Variants in CUBN observed in about 807,000 individuals in gnomAD.
CUBN encodes cubilin.
In CUBN, 282 loss-of-function variants were observed where a neutral mutation model predicts 405.3. The ratio of observed to expected loss-of-function variants is 0.70; its 90% CI spans 0.63 to 0.77. The LOEUF (loss-of-function observed/expected upper bound fraction) is 0.77. Ranked by LOEUF, CUBN falls within the 30% of genes least tolerant of loss-of-function variation. The pLI, the probability that CUBN is intolerant of heterozygous loss-of-function variation, is 0.00. For missense variants in CUBN, 4,514 were observed against 4,475.2 expected, an observed-to-expected ratio of 1.01 and a Z score of -0.25; for synonymous variants, 1,684 against 1,617.0, an observed-to-expected ratio of 1.04 and a Z score of -0.99.
At chr10:17,102,819 T>C (rs559607378) in intron 13 of CUBN, among the ~76,000 whole-genome samples, 14 of 151,966 alleles carry the variant, frequency 9.2e-5, no homozygotes, top group Admixed American at 6.6e-4. Flanking sequence ...GGTTTCGCCA[T>C]ATTGACCAGA....
At chr10:16,970,137 T>C (rs113796595) in intron 31 of CUBN, among the ~76,000 whole-genome samples, 2 of 152,214 alleles carry the variant, frequency 1.3e-5, no homozygotes, top group African/African-American at 4.8e-5. Context: ...TGGTACATAT[T>C]TGGCACCGAA....
chr10:16,930,865 GTTGGCT>G (rs1448741524), intron 40 of CUBN, among the ~76,000 whole-genome samples: 1 of 152,206 alleles, frequency 6.6e-6, no homozygotes, highest in African/African-American at 2.4e-5. Flanking sequence ...TCTGTGGCCA[GTTGGCT>G]TTAGATATTT....
chr10:17,117,500 G>A (rs11254377), intron 6 of CUBN, among the ~76,000 whole-genome samples: 10,866 of 151,970 alleles, frequency 0.072, 889 homozygotes, highest in African/African-American at 0.2. Flanking sequence ...TCAGCCTCCC[G>A]AGTAGCTGGG....
chr10:16,868,206 C>T (rs1034522399), intron 59 of CUBN, among the ~76,000 whole-genome samples: 9 of 152,114 alleles, frequency 5.9e-5, no homozygotes, highest in African/African-American at 1.9e-4. Context: ...GGGGAGGTGG[C>T]AAAGGGATTT....
intron 29 of CUBN, among the ~76,000 whole-genome samples, chr10:16,988,114 A>G (rs140454326): frequency 6.6e-6 from 1 of 152,212 alleles, no homozygotes; most frequent in East Asian, 1.9e-4. Flanking sequence ...CCCTGTCTCT[A>G]CTTTCTCCCG....
At chr10:16,950,463 A>C (rs926783730) in intron 33 of CUBN, among the ~76,000 whole-genome samples, 1 of 152,184 alleles carries the variant, frequency 6.6e-6, no homozygotes, top group African/African-American at 2.4e-5. Flanking sequence ...ATTAACAATA[A>C]AATTTTTTTA....
intron 6 of CUBN, 28 bp from the exon 7 acceptor site, chr10:17,115,625 A>G (rs377168372): frequency 6.2e-6 from 10 of 1,613,854 alleles, no homozygotes; most frequent in African/African-American, 1.3e-5. Flanking sequence ...GCACAATGTC[A>G]GGGCACGCGC....
In CUBN at chr10:16,889,935, C is replaced by CAAAAAAAA. The variant is rs1554788544; in HGVS notation, c.8755+428_8755+435dup. On this transcript the variant is annotated intron_variant, in intron 55 of 66. Transcript: ENST00000377833. ...CTGGCGACAGAGTGAGACGCCGTGT[C>CAAAAAAAA]AAAAAAAAAAAAAAAAAACAGGAAA... Among the ~76,000 whole-genome samples, 23 of 19,906 alleles carry CAAAAAAAA rather than the reference C, an allele frequency of 1.2e-3. 2 individuals are homozygous for CAAAAAAAA. Among genetic ancestry groups the CAAAAAAAA allele is most frequent in the African/African-American group, 4.6e-3 (22 of 4,828 alleles). The allele number at this position is 19,906 out of a possible 152,430, so 13.1% of individuals were successfully genotyped here.
At chr10:17,070,270 G>A (rs1286165975) in intron 19 of CUBN, among the ~76,000 whole-genome samples, 1 of 152,128 alleles carries the variant, frequency 6.6e-6, no homozygotes, top group Non-Finnish European at 1.5e-5. Flanking sequence ...GATTATTGTA[G>A]CTTTGTTCTA....
At chr10:17,068,332 T>A (rs1390050705) in intron 20 of CUBN, 52 bp from the exon 21 acceptor site, 6 of 1,564,778 alleles carry the variant, frequency 3.8e-6, no homozygotes, top group African/African-American at 1.4e-5. Context: ...GCTACCTGGA[T>A]TTCAAATTAA....
Position 17,104,505 on chromosome 10 carries a change from CCATT to C in CUBN, c.1327_1330del (p.Asn443GlufsTer38). On this transcript the variant is annotated frameshift_variant, in exon 12 of 67. Transcript: ENST00000377833. LOFTEE classifies it high-confidence loss of function. Reference sequence around the variant, plus strand: ...ATCAACGCCATCAACACAAGTTCCTCCATTCAAACAGGGGTTGCTCAAACACTCA... The same window carrying C: ...ATCAACGCCATCAACACAAGTTCCTCCAAACAGGGGTTGCTCAAACACTCA... 1 of 1,613,960 alleles carries C rather than the reference CCATT, an allele frequency of 6.2e-7. No individual in the cohort carries two copies. Among genetic ancestry groups the C allele is most frequent in the Non-Finnish European group, 8.5e-7 (1 of 1,179,990 alleles).
chr10:16,839,927 G>A (rs1263049224), intron 62 of CUBN, among the ~76,000 whole-genome samples: 1 of 152,042 alleles, frequency 6.6e-6, no homozygotes, highest in Non-Finnish European at 1.5e-5. Flanking sequence ...GGACATGGAT[G>A]AAGCTAGAAA....
At chr10:16,928,700 T>C (rs1043390153) in intron 40 of CUBN, among the ~76,000 whole-genome samples, 1 of 152,050 alleles carries the variant, frequency 6.6e-6, no homozygotes, top group African/African-American at 2.4e-5. Flanking sequence ...TGACTAATTA[T>C]TGTATTTTTA....
At chr10:16,888,665 T>C (rs1294397817) in intron 55 of CUBN, 99 bp from the exon 56 acceptor site, 14 of 1,012,430 alleles carry the variant, frequency 1.4e-5, no homozygotes, top group Non-Finnish European at 1.9e-5. Flanking sequence ...TCTATAGACA[T>C]AGTTCCCTGA....
chr10:16,922,793 G>A (rs1842073783), intron 43 of CUBN, among the ~76,000 whole-genome samples: 2 of 150,776 alleles, frequency 1.3e-5, no homozygotes, highest in African/African-American at 4.9e-5. Flanking sequence ...TGAAGTAGGT[G>A]TTTCTGTTCT....
chr10:17,079,985 G>A (rs1835933633), intron 17 of CUBN, among the ~76,000 whole-genome samples: 1 of 152,150 alleles, frequency 6.6e-6, no homozygotes, highest in African/African-American at 2.4e-5. Flanking sequence ...GGGGAAGGTG[G>A]TGAAAGAAAA....
In CUBN at chr10:17,033,881, C is replaced by T. The variant is rs1414030909; in HGVS notation, c.4017+7152G>A. ...TCCCATGAGCCCGATGTTTCTCAGT[C>T]GTGGTATATGGAAAATGTTGTTTAG... On this transcript the variant is annotated intron_variant, in intron 27 of 66. Transcript: ENST00000377833. Among the ~76,000 whole-genome samples, 7 of 152,114 alleles carry T rather than the reference C, an allele frequency of 4.6e-5. No individual in the cohort carries two copies. In the East Asian group the frequency reaches 9.6e-4, roughly 21 times the overall value.
intron 27 of CUBN, among the ~76,000 whole-genome samples, chr10:17,028,225 A>ATTT (rs890250921): frequency 6.5e-5 from 4 of 61,208 alleles, no homozygotes; most frequent in African/African-American, 1.7e-4. Flanking sequence ...AACACTAAAC[A>ATTT]TTTATTATTA....
At chr10:16,890,077 G>A (rs1013983391) in intron 55 of CUBN, among the ~76,000 whole-genome samples, 1 of 152,120 alleles carries the variant, frequency 6.6e-6, no homozygotes, top group Non-Finnish European at 1.5e-5. Flanking sequence ...CAGCCACACT[G>A]GTTGTTGCTA....
Sources: gnomAD v4.1 joint callset for allele counts (sites outside exome capture counted in the v4.1 genomes callset) on GRCh38, gnomAD v4.1.1 for gene constraint, MANE v1.5 for transcripts, NCBI Gene and HGNC (gene_info 2026-07-23, HGNC 2026-07-21) for gene names.